Variants in ICOS observed in about 807,000 individuals in gnomAD.
ICOS encodes the protein inducible T-cell costimulator.
A neutral mutation model predicts 24.6 loss-of-function variants in ICOS; 15 were observed. The ratio of observed to expected loss-of-function variants is 0.61; its 90% CI spans 0.41 to 0.94. The LOEUF is 0.94. Among genes scored for constraint, ICOS ranks in the 40% least tolerant of loss-of-function variants. ICOS has a pLI of 0.00. For missense variants in ICOS, 200 were observed against 233.0 expected, an observed-to-expected ratio of 0.86 and a Z score of 0.92; for synonymous variants, 89 against 77.5, an observed-to-expected ratio of 1.15 and a Z score of -0.78.
chr2:203,940,974 C>T (rs1363694448), intron 1 of ICOS, among the ~76,000 whole-genome samples: 1 of 152,122 alleles, frequency 6.6e-6, no homozygotes, highest in Non-Finnish European at 1.5e-5. Context: ...TTCGTAGAGA[C>T]GGGGTTTCAC....
In ICOS at chr2:203,955,626, T is replaced by C. The variant is rs775317381; in HGVS notation, c.59-10T>C. ...GTCACTTTTGCTTTGTTTTCTTTCT[T>C]TTTATGCAGGAGAAATCAATGGTTC... On this transcript the variant is annotated splice_polypyrimidine_tract_variant and intron_variant, in intron 1 of 4. Coordinates refer to ENST00000316386, the MANE Select transcript of ICOS (RefSeq NM_012092.4). 18 of 1,603,188 alleles carry C rather than the reference T, an allele frequency of 1.1e-5. No homozygotes were observed. The highest frequency in any genetic ancestry group is 9.4e-5 in the African/African-American group (7 of 74,778).
At chr2:203,949,098 T>C (rs1689924508) in intron 1 of ICOS, among the ~76,000 whole-genome samples, 1 of 152,172 alleles carries the variant, frequency 6.6e-6, no homozygotes, top group Non-Finnish European at 1.5e-5. Context: ...GGAGAATGGA[T>C]TGTAAATGGG....
chr2:203,942,725 TG>T (rs1484579142), intron 1 of ICOS, among the ~76,000 whole-genome samples: 3 of 152,376 alleles, frequency 2.0e-5, no homozygotes, highest in East Asian at 3.9e-4. Flanking sequence ...AGCTTCTTTT[TG>T]TTTTTTTATT....
intron 1 of ICOS, among the ~76,000 whole-genome samples, chr2:203,948,636 G>C (rs1689914103): frequency 6.6e-6 from 1 of 152,176 alleles, no homozygotes. Flanking sequence ...GGAGTAGCCA[G>C]ACAATAAAGA....
intron 1 of ICOS, among the ~76,000 whole-genome samples, chr2:203,952,075 T>A (rs913358818): frequency 3.3e-5 from 5 of 152,190 alleles, no homozygotes; most frequent in African/African-American, 9.6e-5. Context: ...AAATGTATAA[T>A]TTAATGAATA....
At chr2:203,945,856 A>G (rs1192579210) in intron 1 of ICOS, among the ~76,000 whole-genome samples, 2 of 152,218 alleles carry the variant, frequency 1.3e-5, no homozygotes, top group African/African-American at 4.8e-5. Flanking sequence ...GTTGAAAGGA[A>G]TTTGGAAACA....
At chr2:203,938,828 A>G (rs992629677) in intron 1 of ICOS, among the ~76,000 whole-genome samples, 3 of 152,204 alleles carry the variant, frequency 2.0e-5, no homozygotes, top group African/African-American at 7.2e-5. Context: ...GTTCACTCTC[A>G]TTATAAAGAA....
At chr2:203,952,923 G>C (rs1222987551) in intron 1 of ICOS, among the ~76,000 whole-genome samples, 1 of 152,046 alleles carries the variant, frequency 6.6e-6, no homozygotes, top group African/African-American at 2.4e-5. Flanking sequence ...GCCATTGAAT[G>C]TGAATATTAT....
chr2:203,937,855 T>C (rs4675374), intron 1 of ICOS, among the ~76,000 whole-genome samples: 99,669 of 152,126 alleles, frequency 0.66, 35,264 homozygotes, highest in South Asian at 0.79. Flanking sequence ...GTTAAGAGGA[T>C]TGAGGAATGT....
intron 1 of ICOS, among the ~76,000 whole-genome samples, chr2:203,954,224 T>G (rs1040624331): frequency 2.6e-5 from 4 of 152,212 alleles, no homozygotes; most frequent in African/African-American, 9.6e-5. Flanking sequence ...AGTTTTTTCC[T>G]TCTGTGATTC....
intron 1 of ICOS, among the ~76,000 whole-genome samples, chr2:203,952,346 A>G (rs1043602859): frequency 1.3e-5 from 2 of 152,222 alleles, no homozygotes; most frequent in African/African-American, 4.8e-5. Context: ...AATGTGCTCT[A>G]TATTGACAGA....
chr2:203,948,493 C>T (rs150651613), intron 1 of ICOS, among the ~76,000 whole-genome samples: 48 of 152,292 alleles, frequency 3.2e-4, no homozygotes, highest in African/African-American at 1.1e-3. Flanking sequence ...TTCATTTGTT[C>T]GCCCATCCAA....
intron 1 of ICOS, among the ~76,000 whole-genome samples, chr2:203,941,080 G>T (rs1338119601): frequency 6.6e-6 from 1 of 152,200 alleles, no homozygotes; most frequent in Non-Finnish European, 1.5e-5. Context: ...ACAGGCGTGA[G>T]CCACCGCGCC....
chr2:203,953,647 A>G (rs1412791102), intron 1 of ICOS, among the ~76,000 whole-genome samples: 1 of 152,232 alleles, frequency 6.6e-6, no homozygotes, highest in Non-Finnish European at 1.5e-5. Context: ...ATCCTGTTAC[A>G]AATTTCAGAA....
intron 1 of ICOS, among the ~76,000 whole-genome samples, chr2:203,941,216 C>T (rs750114092): frequency 1.5e-4 from 23 of 152,042 alleles, no homozygotes; most frequent in Non-Finnish European, 3.1e-4. Context: ...ATACCTTATG[C>T]TGTTTTTCCC....
In ICOS at chr2:203,936,889, A is replaced by G. The variant is rs370233357; in HGVS notation, c.58+17A>G. The G allele has an allele frequency of 1.3e-6, 2 of 1,527,004 alleles. No homozygotes were observed. The highest frequency in any genetic ancestry group is 1.4e-5 in the African/African-American group (1 of 73,106). The allele number at this position is 1,527,004 out of a possible 1,614,324, so 94.6% of individuals were successfully genotyped here. On this transcript the variant is annotated intron_variant, in intron 1 of 4. Coordinates refer to ENST00000316386, the MANE Select transcript of ICOS (RefSeq NM_012092.4). ...TTTTAACAGGTAAGTGGTGTATTGA[A>G]TATTTCTTATTAAGTTATAATTCAA...
intron 1 of ICOS, among the ~76,000 whole-genome samples, chr2:203,954,173 T>C (rs886178554): frequency 2.0e-5 from 3 of 152,216 alleles, no homozygotes; most frequent in Non-Finnish European, 4.4e-5. Context: ...ATTTATAGTC[T>C]AATAACTCAG....
chr2:203,954,589 TGAAAAGAAAA>T (rs370182633), intron 1 of ICOS, among the ~76,000 whole-genome samples: 17 of 151,556 alleles, frequency 1.1e-4, no homozygotes, highest in East Asian at 3.9e-4. Flanking sequence ...CCCTTTTCTC[TGAAAAGAAAA>T]GAAAAGAAAA....
intron 1 of ICOS, among the ~76,000 whole-genome samples, chr2:203,950,324 G>C (rs1186879326): frequency 6.6e-6 from 1 of 152,150 alleles, no homozygotes; most frequent in Non-Finnish European, 1.5e-5. Context: ...TTGAGAGACA[G>C]CCAATCTGGC....
Sources: allele counts gnomAD v4.1 joint callset (sites outside exome capture counted in the v4.1 genomes callset), GRCh38; gene constraint gnomAD v4.1.1; transcripts MANE v1.5; gene names NCBI Gene and HGNC (gene_info 2026-07-23, HGNC 2026-07-21).